The following LPAR3 variants were observed in gnomAD, a reference collection of about 807,000 sequenced individuals.
The protein encoded by LPAR3 is lysophosphatidic acid receptor 3.
LPAR3 carries 7 observed loss-of-function variants against 17.8 expected under a neutral mutation model. The observed-to-expected ratio is 0.39, with a 90% confidence interval of 0.22 to 0.74. The LOEUF (loss-of-function observed/expected upper bound fraction) is 0.74, where lower values mean the gene tolerates loss of function less well. Ranked by LOEUF, LPAR3 falls within the 30% of genes least tolerant of loss-of-function variation. The pLI is 0.40. For synonymous variants in LPAR3, 179 were observed against 179.9 expected (o/e 0.99, Z 0.04); for missense variants, 391 against 453.4 (o/e 0.86, Z 1.25).
At chr1:84,868,173 A>G (rs2102766595) in intron 1 of LPAR3, among the ~76,000 whole-genome samples, 1 of 152,176 alleles carries the variant, frequency 6.6e-6, no homozygotes, top group East Asian at 1.9e-4. Context: ...GCAGTGGTGC[A>G]ATCTTGGCTC....
chr1:84,884,127 T>C (rs1231867638), intron 1 of LPAR3, among the ~76,000 whole-genome samples: 1 of 152,238 alleles, frequency 6.6e-6, no homozygotes, highest in Non-Finnish European at 1.5e-5. Flanking sequence ...TCTTTTCCTT[T>C]GTTCTCCCTT....
chr1:84,890,494 A>C (rs966099632), intron 1 of LPAR3, among the ~76,000 whole-genome samples: 1 of 152,228 alleles, frequency 6.6e-6, no homozygotes, highest in Non-Finnish European at 1.5e-5. Flanking sequence ...TCATTTTTAC[A>C]GATGAGGAAA....
intron 2 of LPAR3, among the ~76,000 whole-genome samples, chr1:84,823,407 T>C (rs1436889461): frequency 6.6e-6 from 1 of 152,178 alleles, no homozygotes; most frequent in Non-Finnish European, 1.5e-5. Flanking sequence ...GTAAATCTGA[T>C]TTATATTTTT....
At chr1:84,846,961 G>A (rs1659605263) in intron 2 of LPAR3, among the ~76,000 whole-genome samples, 1 of 152,150 alleles carries the variant, frequency 6.6e-6, no homozygotes, top group Non-Finnish European at 1.5e-5. Context: ...CTAGAAATGG[G>A]AGGGTATGAG....
intron 2 of LPAR3, among the ~76,000 whole-genome samples, chr1:84,851,997 G>A (rs1485234984): frequency 1.3e-5 from 2 of 152,146 alleles, no homozygotes; most frequent in Non-Finnish European, 2.9e-5. Context: ...GCAAGTCTTG[G>A]ACTAAAGGCG....
chr1:84,836,270 C>G (rs1057327728), intron 2 of LPAR3, among the ~76,000 whole-genome samples: 5 of 146,678 alleles, frequency 3.4e-5, no homozygotes, highest in African/African-American at 1.3e-4. Context: ...CCCAGGAAGT[C>G]ATGGCCTCAG....
In LPAR3 at chr1:84,870,204, T is replaced by C. The variant is rs192221646; in HGVS notation, c.-18-4066A>G. ...AATGTCCCCTCCACAAAGATACTTTTCTGACTAATTCAAGATAGCTCCACA... is the reference window on the plus strand; with the variant it reads ...AATGTCCCCTCCACAAAGATACTTTCCTGACTAATTCAAGATAGCTCCACA... On this transcript the variant is annotated intron_variant, in intron 1 of 2. Transcript: ENST00000370611. Among the ~76,000 whole-genome samples, 12 of 152,376 alleles carry C rather than the reference T, an allele frequency of 7.9e-5. No individual in the cohort carries two copies. The East Asian group carries it at 2.1e-3, about 27-fold the overall frequency.
At chr1:84,834,732 A>G (rs1659363652) in intron 2 of LPAR3, among the ~76,000 whole-genome samples, 1 of 152,140 alleles carries the variant, frequency 6.6e-6, no homozygotes, top group Admixed American at 6.5e-5. Context: ...AATAAATCTC[A>G]TAAACTGTTT....
rs1273529557 is a variant in LPAR3, at chr1:84,813,746, C to A, written c.*100G>T. The A allele has an allele frequency of 5.0e-6, 5 of 1,004,676 alleles. No homozygotes were observed. The African/African-American group carries it at 6.5e-5, about 13-fold the overall frequency. The allele number at this position is 1,004,676 out of a possible 1,614,324, so 62.2% of individuals were successfully genotyped here. ...AAATCTAGCAGTGATTAATGGAGAC[C>A]TCAAATAACACTGTACATGGGCTTT... On this transcript the variant is annotated 3_prime_UTR_variant, in exon 3 of 3. Coordinates refer to ENST00000370611, the MANE Select transcript of LPAR3 (RefSeq NM_012152.3).
At chr1:84,817,505 G>GAGGAGAT (rs1658960597) in intron 2 of LPAR3, among the ~76,000 whole-genome samples, 2 of 152,150 alleles carry the variant, frequency 1.3e-5, no homozygotes, top group African/African-American at 4.8e-5. Context: ...AGAGATCTTG[G>GAGGAGAT]CCTCCAGGTG....
chr1:84,845,749 A>G (rs1659584297), intron 2 of LPAR3, among the ~76,000 whole-genome samples: 2 of 152,218 alleles, frequency 1.3e-5, no homozygotes, highest in South Asian at 4.1e-4. Context: ...AAGAAAAGAA[A>G]ATGCAGGCTT....
intron 2 of LPAR3, among the ~76,000 whole-genome samples, chr1:84,833,785 TATG>T (rs1484033209): frequency 6.6e-6 from 1 of 152,182 alleles, no homozygotes; most frequent in Admixed American, 6.5e-5. Flanking sequence ...CTAAATGGCT[TATG>T]ATACCTAAAG....
chr1:84,865,940 A>G lies in LPAR3; in HGVS notation c.181T>C (p.Phe61Leu). The change falls in exon 2 of 3, where the codon TTT becomes CTT. Residue 61 changes from phenylalanine to leucine, a missense_variant. Physicochemically the swap from Phe to Leu is conservative, Grantham distance 22. Coordinates refer to ENST00000370611, the MANE Select transcript of LPAR3 (RefSeq NM_012152.3). ...VIAAVIKNRK[F>L]HFPFYYLLAN... ...AACAGGTAGTAGAAGGGGAAATGAA[A>G]TTTTCTGTTTTTGATCACTGCCGCG... 6.2e-7 allele frequency: 1 copy of G among 1,614,046 alleles called. No homozygotes were observed. Among genetic ancestry groups the G allele is most frequent in the Non-Finnish European group, 8.5e-7 (1 of 1,180,010 alleles).
At chr1:84,889,031 G>A (rs1193218772) in intron 1 of LPAR3, among the ~76,000 whole-genome samples, 1 of 152,042 alleles carries the variant, frequency 6.6e-6, no homozygotes, top group Non-Finnish European at 1.5e-5. Context: ...ATGGGAGTAG[G>A]GCAGTATCAG....
chr1:84,880,704 C>A (rs6663709), intron 1 of LPAR3, among the ~76,000 whole-genome samples: 46,979 of 152,086 alleles, frequency 0.31, 8,757 homozygotes, highest in African/African-American at 0.52. Context: ...AACTGACTAG[C>A]AGTCTATCAA....
chr1:84,867,499 A>C (rs12756373), intron 1 of LPAR3, among the ~76,000 whole-genome samples: 8,091 of 152,232 alleles, frequency 0.053, 294 homozygotes, highest in Non-Finnish European at 0.084. Context: ...AATCAAGAAG[A>C]CCAGATAACT....
intron 1 of LPAR3, among the ~76,000 whole-genome samples, chr1:84,877,705 G>A (rs376789742): frequency 5.3e-5 from 8 of 151,932 alleles, no homozygotes; most frequent in African/African-American, 9.7e-5. Context: ...TACTAGATTC[G>A]GACTCTCAGT....
At chr1:84,876,653 C>T (rs113367485) in intron 1 of LPAR3, among the ~76,000 whole-genome samples, 3,815 of 152,314 alleles carry the variant, frequency 0.025, 157 homozygotes, top group African/African-American at 0.088. Flanking sequence ...ATCCCCTCCC[C>T]GCCGCTCCGG....
intron 1 of LPAR3, among the ~76,000 whole-genome samples, chr1:84,873,247 T>A (rs1660190648): frequency 6.6e-6 from 1 of 152,202 alleles, no homozygotes; most frequent in African/African-American, 2.4e-5. Flanking sequence ...GTTCATTAAC[T>A]GCAACAAATA....
Sources: gnomAD v4.1 joint callset for allele counts (sites outside exome capture counted in the v4.1 genomes callset) on GRCh38, gnomAD v4.1.1 for gene constraint, MANE v1.5 for transcripts, NCBI Gene and HGNC (gene_info 2026-07-23, HGNC 2026-07-21) for gene names.